The following RPL35A variants were observed in gnomAD, a reference collection of about 807,000 sequenced individuals.
RPL35A encodes the protein ribosomal protein L35a, also known as large ribosomal subunit protein eL33.
Under a neutral mutation model 16.7 loss-of-function variants are expected in RPL35A, and 1 was observed. The ratio of observed to expected loss-of-function variants is 0.06; its 90% confidence interval spans 0.02 to 0.28. The LOEUF (loss-of-function observed/expected upper bound fraction) is 0.28, where lower values mean the gene tolerates loss of function less well. RPL35A is among the 10% of genes least tolerant of loss of function. RPL35A has a pLI of 1.00. For missense variants in RPL35A, 91 were observed against 138.7 expected (o/e 0.66, Z 1.73); for synonymous variants, 58 against 47.0 (o/e 1.23, Z -0.96).
At chr3:197,954,536 G>T (rs1042889822) in intron 4 of RPL35A, 4 of 326,778 alleles carry the variant, frequency 1.2e-5, no homozygotes, top group South Asian at 2.5e-5. Context: ...TTGAGACAAG[G>T]TCTCACTTTG....
At chr3:197,953,355 G>A (rs1041562686) in intron 3 of RPL35A, 1 of 440,576 alleles carries the variant, frequency 2.3e-6, no homozygotes, top group Non-Finnish European at 4.6e-6. Context: ...CAGCCTGGGT[G>A]ACAAGACAAC....
intron 1 of RPL35A, chr3:197,950,626 T>C (rs1489045672): frequency 4.6e-6 from 2 of 437,008 alleles, no homozygotes; most frequent in Non-Finnish European, 8.2e-6. Flanking sequence ...TAAGGCTTCA[T>C]TTCTTTTCCT....
At position 197,950,212 on chromosome 3, in the gene RPL35A, T is replaced by G. The variant is rs1275004494; in HGVS notation, c.-42T>G. 3 of 1,231,376 alleles carry G rather than the reference T, an allele frequency of 2.4e-6. No homozygotes were observed. The highest frequency in any genetic ancestry group is 3.0e-6 in the Non-Finnish European group (3 of 987,914). 76.3% of individuals were successfully genotyped at this position (1,231,376 alleles called of 1,614,324 possible). A position where few individuals can be genotyped will look rare whatever the true frequency, so the allele number is the denominator to read the frequency against. ...GTCCTTCTCTTACCGCCATCTTGGC[T>G]CCTGTGGAGGTGAGTGAAGGGTCTG... is the stretch of plus-strand genomic sequence containing the variant. On this transcript the variant is annotated 5_prime_UTR_variant, in exon 1 of 5. Transcript: ENST00000647248.
chr3:197,955,207 G>C (rs1337784528), intron 4 of RPL35A, among the ~76,000 whole-genome samples: 1 of 152,074 alleles, frequency 6.6e-6, no homozygotes, highest in Non-Finnish European at 1.5e-5. Context: ...ATCAACAGAG[G>C]AGGCTTTTAC....
rs559280977 is a variant in RPL35A at position 197,951,681 on chromosome 3, AG to A, written c.164+371del. 3.3e-5 allele frequency: 8 copies of A among 242,880 alleles called. No individual in the cohort carries two copies. In the East Asian group the frequency reaches 8.3e-4, roughly 25 times the overall value. 15.0% of individuals were successfully genotyped at this position (242,880 alleles called of 1,614,324 possible). ...TTATCCTATTGAAATAATAAACAAA[AG>A]ATTTAGCTGAAGTACTTGGTATTGT... On this transcript the variant is annotated intron_variant, in intron 3 of 4. Coordinates refer to ENST00000647248, the MANE Select transcript of RPL35A (RefSeq NM_000996.4).
intron 3 of RPL35A, among the ~76,000 whole-genome samples, chr3:197,953,082 A>C (rs1241741477): frequency 6.6e-6 from 1 of 152,230 alleles, no homozygotes; most frequent in Non-Finnish European, 1.5e-5. Context: ...TACAGGCGTG[A>C]GCCATCGTGC....
At chr3:197,950,427 TC>T in intron 1 of RPL35A, 1 of 857,908 alleles carries the variant, frequency 1.2e-6, no homozygotes, top group Non-Finnish European at 1.5e-6. Context: ...GCCCGGGTTA[TC>T]CCAGTTAAAT....
chr3:197,954,270 T>A (rs1170477226), intron 4 of RPL35A, 123 bp downstream of exon 4: 2 of 936,252 alleles, frequency 2.1e-6, no homozygotes, highest in Non-Finnish European at 3.4e-6. Context: ...GCTGCAAAAT[T>A]TGTGTATTGC....
chr3:197,953,062 G>A (rs903106298), intron 3 of RPL35A, among the ~76,000 whole-genome samples: 1 of 152,144 alleles, frequency 6.6e-6, no homozygotes, highest in African/African-American at 2.4e-5. Context: ...GCCTCCCAAA[G>A]TGCTGGGATT....
At chr3:197,951,655 A>G (rs1415775201) in intron 3 of RPL35A, 1 of 287,364 alleles carries the variant, frequency 3.5e-6, no homozygotes, top group Non-Finnish European at 6.8e-6. Flanking sequence ...GCCTGGCCTC[A>G]TTATCCTATT....
In RPL35A at chr3:197,951,329, G is replaced by T. The variant is rs749642279; in HGVS notation, c.164+18G>T. The T allele has an allele frequency of 1.2e-6, 2 of 1,613,552 alleles. No individual in the cohort carries two copies. Among genetic ancestry groups the T allele is most frequent in the East Asian group, 2.2e-5 (1 of 44,886 alleles). On this transcript the variant is annotated intron_variant, in intron 3 of 4. Coordinates refer to ENST00000647248, the MANE Select transcript of RPL35A (RefSeq NM_000996.4). The stretch of plus-strand genomic sequence containing the variant: ...GCAAAGAAGTAAGTTTATGACACTG[G>T]TAGGTTTTGGGTTTTTGAGATCTGC...
chr3:197,954,336 G>T (rs1466517893), intron 4 of RPL35A, 189 bp downstream of exon 4: 8 of 560,148 alleles, frequency 1.4e-5, no homozygotes, highest in Admixed American at 6.2e-5. Flanking sequence ...TTTGTTTTTT[G>T]TTTTTTTTTT....
intron 4 of RPL35A, among the ~76,000 whole-genome samples, chr3:197,954,857 T>G (rs545868000): frequency 3.9e-5 from 6 of 152,190 alleles, no homozygotes; most frequent in Admixed American, 2.6e-4. Flanking sequence ...CTGAAGTAAT[T>G]GTTAGAAAGC....
chr3:197,955,159 G>A (rs866872202), intron 4 of RPL35A, among the ~76,000 whole-genome samples: 2 of 152,112 alleles, frequency 1.3e-5, no homozygotes, highest in South Asian at 2.1e-4. Context: ...GGGGCCAGGG[G>A]GTACTGTTGA....
chr3:197,952,836 C>CTTTT (rs113975470), intron 3 of RPL35A, among the ~76,000 whole-genome samples: 1 of 144,226 alleles, frequency 6.9e-6, no homozygotes, highest in African/African-American at 2.5e-5. Flanking sequence ...ATGCTGTAGA[C>CTTTT]TTTTTTTTTT....
intron 4 of RPL35A, among the ~76,000 whole-genome samples, chr3:197,955,069 G>A (rs1720422058): frequency 6.6e-6 from 1 of 151,832 alleles, no homozygotes; most frequent in Admixed American, 6.6e-5. Flanking sequence ...CAAATAGTTC[G>A]TACTTTTTCT....
At position 197,956,478 on chromosome 3, in the gene RPL35A, G is replaced by T. The variant is rs1034506657; in HGVS notation, c.*705G>T. The stretch of plus-strand genomic sequence containing the variant: ...GGTAGGTACATGGAGGTTGGGAATA[G>T]TGCACGGAAAGGTGGCAGCTTTCTT... On this transcript the variant is annotated 3_prime_UTR_variant, in exon 5 of 5. Coordinates refer to ENST00000647248, the MANE Select transcript of RPL35A (RefSeq NM_000996.4). 2.5e-4 allele frequency: 38 copies of T among 152,214 alleles called. No individual in the cohort carries two copies. Among genetic ancestry groups the T allele is most frequent in the Non-Finnish European group, 1.5e-5 (1 of 68,080 alleles). The allele number at this position is 152,214 out of a possible 1,614,324, so 9.4% of individuals were successfully genotyped here.
At chr3:197,954,661 A>C (rs1469067589) in intron 4 of RPL35A, among the ~76,000 whole-genome samples, 1 of 152,058 alleles carries the variant, frequency 6.6e-6, no homozygotes, top group Non-Finnish European at 1.5e-5. Context: ...AGGCGTATAT[A>C]CCACCATGCC....
At chr3:197,954,330 T>C in intron 4 of RPL35A, 183 bp downstream of exon 4, 1 of 679,584 alleles carries the variant, frequency 1.5e-6, no homozygotes, top group African/African-American at 1.8e-5. Context: ...TGGTTGTTTG[T>C]TTTTTGTTTT....
Sources: allele counts gnomAD v4.1 joint callset (sites outside exome capture counted in the v4.1 genomes callset), GRCh38; gene constraint gnomAD v4.1.1; transcripts MANE v1.5; gene names NCBI Gene and HGNC (gene_info 2026-07-23, HGNC 2026-07-21).